SEMA7A: variants seen among roughly 807,000 people sequenced by gnomAD.
SEMA7A encodes semaphorin 7A (JohnMiltonHagen blood group), also known as semaphorin-7A.
Under a neutral mutation model 67.5 loss-of-function variants are expected in SEMA7A, and 21 were observed. The ratio of observed to expected loss-of-function variants is 0.31; its 90% CI spans 0.22 to 0.45. The LOEUF is 0.45. Ranked by LOEUF, SEMA7A falls within the 20% of genes least tolerant of loss-of-function variation. The pLI is 1.00. For synonymous variants in SEMA7A, 364 were observed against 368.5 expected, an observed-to-expected ratio of 0.99 and a Z score of 0.14; for missense variants, 774 against 908.6, an observed-to-expected ratio of 0.85 and a Z score of 1.90.
chr15:74,414,604 C>T lies in SEMA7A; in HGVS notation c.1237G>A (p.Val413Ile), dbSNP rs373206524. The change falls in exon 10 of 14, where the codon GTC becomes ATC. Residue 413 changes from valine (V) to isoleucine (I), a missense_variant. Val to Ile is a conservative substitution (Grantham distance 29, BLOSUM62 3). Coordinates refer to ENST00000261918, the MANE Select transcript of SEMA7A (RefSeq NM_003612.5). The surrounding 1 kb of genome is among the most constrained non-coding windows in gnomAD (Gnocchi z 4.1). Reference sequence around the variant, plus strand: ...CCGTGGCTGGCTTGCATGCGGTGGACGGCCACTTTCTGGTAGTGGTATTTA... The same window carrying T: ...CCGTGGCTGGCTTGCATGCGGTGGATGGCCACTTTCTGGTAGTGGTATTTA... ...HSKYHYQKVA[V>I]HRMQASHGET... is the part of the protein sequence containing the mutation. 1.2e-5 allele frequency: 19 copies of T among 1,614,080 alleles called. No individual in the cohort carries two copies. Among genetic ancestry groups the T allele is most frequent in the South Asian group, 8.8e-5 (8 of 91,088 alleles).
intron 1 of SEMA7A, among the ~76,000 whole-genome samples, chr15:74,426,623 C>T (rs542998512): frequency 8.7e-4 from 132 of 152,290 alleles, no homozygotes; most frequent in Middle Eastern, 3.4e-3. Flanking sequence ...ATAAAGTACT[C>T]TGTGGGGCCG....
rs1309987135 is a variant in SEMA7A at position 74,409,743 on chromosome 15, C to T, written c.*881G>A. The stretch of plus-strand genomic sequence containing the variant: ...CCTTCATTCTCCCGTTTCCCTCACC[C>T]CACCCCCTCCCATAACCACCCCCAA... On this transcript the variant is annotated 3_prime_UTR_variant, in exon 14 of 14. Coordinates refer to ENST00000261918, the MANE Select transcript of SEMA7A (RefSeq NM_003612.5). 6.6e-6 allele frequency: 1 copy of T among 151,414 alleles called. No individual in the cohort carries two copies. Among genetic ancestry groups the T allele is most frequent in the African/African-American group, 2.4e-5 (1 of 41,140 alleles). The allele number at this position is 151,414 out of a possible 1,614,324, so 9.4% of individuals were successfully genotyped here. A position where few individuals can be genotyped will look rare whatever the true frequency, so the allele number is the denominator to read the frequency against.
chr15:74,415,038 T>A (rs2060936055), intron 8 of SEMA7A, 92 bp from the exon 9 acceptor site: 1 of 1,001,116 alleles, frequency 1.0e-6, no homozygotes, highest in Non-Finnish European at 1.6e-6. Flanking sequence ...TGGCACTGAG[T>A]TGCCAACCAC....
At chr15:74,418,693 G>C (rs2060973535) in intron 2 of SEMA7A, 108 bp downstream of exon 2, 4 of 1,234,984 alleles carry the variant, frequency 3.2e-6, no homozygotes, top group Non-Finnish European at 3.4e-6. Context: ...GGAGGTGGGG[G>C]CAGTTTAGGA....
At position 74,411,514 on chromosome 15, in the gene SEMA7A, T is replaced by C. The variant is rs1180431087; in HGVS notation, c.1577+42A>G. The C allele has an allele frequency of 3.2e-6, 5 of 1,543,920 alleles. No homozygotes were observed. The highest frequency in any genetic ancestry group is 4.4e-6 in the Non-Finnish European group (5 of 1,143,730). ...CCCGACAACACCTCCCCCTCTCCCA[T>C]GCCCACCTTCTCCCAGGGACGAGGG... On this transcript the variant is annotated intron_variant, in intron 12 of 13. Transcript: ENST00000261918. The surrounding 1 kb of genome is among the most constrained non-coding windows in gnomAD (Gnocchi z 4.4).
At position 74,409,954 on chromosome 15, in the gene SEMA7A, C is replaced by T. The variant is rs904578615; in HGVS notation, c.*670G>A. On this transcript the variant is annotated 3_prime_UTR_variant, in exon 14 of 14. Transcript: ENST00000261918. Reference sequence around the variant, plus strand: ...CCTCCCTTTCCCACCCACCCCCCCGCATGTAGTTTTGGTATTTTCATACAG... The same window carrying T: ...CCTCCCTTTCCCACCCACCCCCCCGTATGTAGTTTTGGTATTTTCATACAG... 3 of 149,584 alleles carry T rather than the reference C, an allele frequency of 2.0e-5. No homozygotes were observed. Among genetic ancestry groups the T allele is most frequent in the African/African-American group, 7.4e-5 (3 of 40,810 alleles). 9.3% of individuals were successfully genotyped at this position (149,584 alleles called of 1,614,324 possible).
At position 74,411,690 on chromosome 15, in the gene SEMA7A, G is replaced by A; in HGVS notation, c.1443C>T (p.Ser481=). 6.2e-7 allele frequency: 1 copy of A among 1,613,456 alleles called. No individual in the cohort carries two copies. Among genetic ancestry groups the A allele is most frequent in the East Asian group, 2.2e-5 (1 of 44,878 alleles). ...GGGGCACCTGGCTCACCTCCCACTG[G>A]GAGCTCACATACAGCTTCCTCTGGA... The part of the protein sequence containing the change: ...DAERRKLYVS[S]QWEVSQVPLD... Residue 481 remains serine (S), a synonymous_variant, in exon 12 of 14, where the codon TCC becomes TCT. Coordinates refer to ENST00000261918, the MANE Select transcript of SEMA7A (RefSeq NM_003612.5). The surrounding 1 kb of genome is among the most constrained non-coding windows in gnomAD (Gnocchi z 4.4).
intron 1 of SEMA7A, among the ~76,000 whole-genome samples, chr15:74,421,344 G>A (rs963048329): frequency 3.9e-5 from 6 of 152,186 alleles, no homozygotes; most frequent in African/African-American, 1.4e-4. Flanking sequence ...GGGAGGGTGA[G>A]GGCTGCTGGC....
In SEMA7A at chr15:74,409,950, C is replaced by CT. The variant is rs2060885481; in HGVS notation, c.*673_*674insA. ...AGCCCCTCCCTTTCCCACCCACCCCCCCGCATGTAGTTTTGGTATTTTCAT... is the reference window on the plus strand; with the variant it reads ...AGCCCCTCCCTTTCCCACCCACCCCCTCCGCATGTAGTTTTGGTATTTTCAT... On this transcript the variant is annotated 3_prime_UTR_variant, in exon 14 of 14. Coordinates refer to ENST00000261918, the MANE Select transcript of SEMA7A (RefSeq NM_003612.5). 1 of 144,100 alleles carries CT rather than the reference C, an allele frequency of 6.9e-6. No homozygotes were observed. The highest frequency in any genetic ancestry group is 2.5e-4 in the South Asian group (1 of 3,974). 8.9% of individuals were successfully genotyped at this position (144,100 alleles called of 1,614,324 possible).
Position 74,414,757 on chromosome 15 carries a change from G to A in SEMA7A, c.1096-12C>T, listed in dbSNP as rs1240971793. On this transcript the variant is annotated splice_polypyrimidine_tract_variant and intron_variant, in intron 9 of 13. Coordinates refer to ENST00000261918, the MANE Select transcript of SEMA7A (RefSeq NM_003612.5). This position sits in a 1 kb window ranked among gnomAD's most constrained non-coding sequence, Gnocchi z 4.1. ...TGGTCTGGGAGGCACTGGGCAAGGAGAGCAGGCCCAGGTCAGTGGGGTGGT... is the reference window on the plus strand; with the variant it reads ...TGGTCTGGGAGGCACTGGGCAAGGAAAGCAGGCCCAGGTCAGTGGGGTGGT... 1.9e-6 allele frequency: 3 copies of A among 1,614,022 alleles called. No homozygotes were observed. Among genetic ancestry groups the A allele is most frequent in the Non-Finnish European group, 2.5e-6 (3 of 1,180,036 alleles).
chr15:74,418,063 G>T, intron 3 of SEMA7A, 94 bp from the exon 4 acceptor site: 1 of 1,429,456 alleles, frequency 7.0e-7, no homozygotes, highest in Non-Finnish European at 9.8e-7. Context: ...GGAAGAAGGT[G>T]TCAGAAGGGC....
Position 74,418,786 on chromosome 15 carries a change from AAG to A in SEMA7A, c.330+13_330+14del. 1 of 1,611,710 alleles carries A rather than the reference AAG, an allele frequency of 6.2e-7. No individual in the cohort carries two copies. On this transcript the variant is annotated intron_variant, in intron 2 of 13. Transcript: ENST00000261918. ...AAGAGGGTAGGGGGGGTGTTGGGGG[AAG>A]AGAGAGGCTCACCGTGCGCACAGAT...
rs77036271 is a variant in SEMA7A at position 74,425,222 on chromosome 15, C to A, written c.179-6270G>T. 3.2e-4 allele frequency among the ~76,000 whole-genome samples: 49 copies of A among 152,356 alleles called. No homozygotes were observed. The East Asian group carries it at 9.4e-3, about 29-fold the overall frequency. ...ATGATGCCCCTACCACCCAACCCTT[C>A]CATCGCATTTACTACGTGCCAAACA... On this transcript the variant is annotated intron_variant, in intron 1 of 13. Coordinates refer to ENST00000261918, the MANE Select transcript of SEMA7A (RefSeq NM_003612.5).
Position 74,411,666 on chromosome 15 carries a change from G to T in SEMA7A, c.1467C>A (p.Pro489=), listed in dbSNP as rs994108747. ...CGCCATAGACCTCACACAGGTCCAG[G>T]GGCACCTGGCTCACCTCCCACTGGG... ...VSSQWEVSQV[P]LDLCEVYGGG... The change falls in exon 12 of 14, where the codon CCC becomes CCA. Residue 489 remains proline, a synonymous_variant. Transcript: ENST00000261918. This position sits in a 1 kb window ranked among gnomAD's most constrained non-coding sequence, Gnocchi z 4.4. 15 of 1,613,654 alleles carry T rather than the reference G, an allele frequency of 9.3e-6. No individual in the cohort carries two copies. Among genetic ancestry groups the T allele is most frequent in the Middle Eastern group, 1.7e-4 (1 of 6,032 alleles).
intron 8 of SEMA7A, 70 bp downstream of exon 8, chr15:74,415,731 C>T: frequency 6.8e-7 from 1 of 1,470,246 alleles, no homozygotes; most frequent in East Asian, 2.4e-5. Context: ...CTCAGCAGGG[C>T]CCAAGGCCTC....
At chr15:74,413,173 G>T (rs1419658080) in intron 10 of SEMA7A, among the ~76,000 whole-genome samples, 1 of 151,734 alleles carries the variant, frequency 6.6e-6, no homozygotes, top group South Asian at 2.1e-4. Flanking sequence ...GCCTGATAAG[G>T]CCCCACCCCA....
In SEMA7A at chr15:74,418,824, C is replaced by T. The variant is rs200725299; in HGVS notation, c.307G>A (p.Gly103Ser). ...ACCGTGCGCACAGATGCGTTCTTGC[C>T]CTCGGGGAAGTCAAAGAGGTAGACC... is the stretch of plus-strand genomic sequence containing the variant. ...GKVYLFDFPE[G>S]KNASVRTVNI... Residue 103 changes from glycine to serine, a missense_variant, in exon 2 of 14, where the codon GGC becomes AGC. Physicochemically the swap from Gly to Ser is moderately conservative, Grantham distance 56 (BLOSUM62 0). This residue lies in a region of SEMA7A where 347 missense variants were observed against 353.2 expected (regional missense o/e 0.98). Transcript: ENST00000261918. 1.2e-6 allele frequency: 2 copies of T among 1,613,860 alleles called. No homozygotes were observed. The highest frequency in any genetic ancestry group is 1.7e-6 in the Non-Finnish European group (2 of 1,179,968).
At chr15:74,429,861 T>C (rs78783649) in intron 1 of SEMA7A, among the ~76,000 whole-genome samples, 1 of 152,070 alleles carries the variant, frequency 6.6e-6, no homozygotes, top group East Asian at 1.9e-4. Context: ...CTAAGTGGGG[T>C]GCTTCCTCCT....
chr15:74,431,688 T>C (rs1433890258), intron 1 of SEMA7A, among the ~76,000 whole-genome samples: 4 of 152,252 alleles, frequency 2.6e-5, no homozygotes, highest in African/African-American at 9.6e-5. Flanking sequence ...TCCTGTCCGA[T>C]TGCCATGTGT....
Sources: allele counts gnomAD v4.1 joint callset (sites outside exome capture counted in the v4.1 genomes callset), GRCh38; gene constraint gnomAD v4.1.1; regional missense constraint gnomAD v4.1.1; non-coding constraint Gnocchi (gnomAD v3.1); transcripts MANE v1.5; gene names NCBI Gene and HGNC (gene_info 2026-07-23, HGNC 2026-07-21).